CATSPERT: variants seen among roughly 807,000 people sequenced by gnomAD.
The protein encoded by CATSPERT is catsper channel auxiliary subunit tau.
the CATSPERT span, among the ~76,000 whole-genome samples, chr2:201,532,649 G>T: frequency 6.6e-6 from 1 of 152,068 alleles, no homozygotes; most frequent in South Asian, 2.1e-4. Context: ...ACAAGGACTG[G>T]GTGTGAGACA....
chr2:201,562,187 C>CTTTT, the CATSPERT span, among the ~76,000 whole-genome samples: 6 of 121,258 alleles, frequency 4.9e-5, no homozygotes, highest in Non-Finnish European at 6.7e-5. Flanking sequence ...TCTAATAATT[C>CTTTT]TTTTTTTTTT....
At chr2:201,595,906 C>CAAAA in the CATSPERT span, among the ~76,000 whole-genome samples, 1 of 142,086 alleles carries the variant, frequency 7.0e-6, no homozygotes, top group African/African-American at 2.7e-5. Flanking sequence ...ACTAAAAACT[C>CAAAA]AAAAAAAAAA....
At chr2:201,605,986 G>A in the CATSPERT span, among the ~76,000 whole-genome samples, 2 of 152,092 alleles carry the variant, frequency 1.3e-5, no homozygotes, top group South Asian at 4.1e-4. Flanking sequence ...AACTTTATAA[G>A]GGGCATTGAA....
chr2:201,586,263 T>C, the CATSPERT span, among the ~76,000 whole-genome samples: 1 of 152,078 alleles, frequency 6.6e-6, no homozygotes, highest in African/African-American at 2.4e-5. Context: ...GGGAAGTCAG[T>C]TTTGACTGCA....
chr2:201,588,327 G>A, the CATSPERT span, among the ~76,000 whole-genome samples: 1 of 152,034 alleles, frequency 6.6e-6, no homozygotes, highest in East Asian at 1.9e-4. Context: ...TGGGATGCAA[G>A]GTTGGTTTGA....
chr2:201,601,692 G>C, the CATSPERT span: 3 of 1,518,492 alleles, frequency 2.0e-6, no homozygotes, highest in Non-Finnish European at 2.7e-6. Context: ...AGAATATTTG[G>C]AACTATAAGG....
At chr2:201,529,839 A>G in the CATSPERT span, among the ~76,000 whole-genome samples, 1 of 152,202 alleles carries the variant, frequency 6.6e-6, no homozygotes, top group African/African-American at 2.4e-5. Flanking sequence ...GGAAGAAAAT[A>G]TCTGCAAACC....
At chr2:201,535,624 T>C in the CATSPERT span, 1 of 1,116,622 alleles carries the variant, frequency 9.0e-7, no homozygotes, top group African/African-American at 1.6e-5. Context: ...GATTAATTTG[T>C]ATTACTGGCA....
the CATSPERT span, chr2:201,604,594 G>A: frequency 4.7e-6 from 7 of 1,499,150 alleles, no homozygotes; most frequent in African/African-American, 7.1e-5. Context: ...AGGTTTTTGA[G>A]GGTTACTCAT....
chr2:201,559,735 G>A, the CATSPERT span, among the ~76,000 whole-genome samples: 2 of 152,190 alleles, frequency 1.3e-5, no homozygotes, highest in Non-Finnish European at 2.9e-5. Flanking sequence ...CCGGGCCAAT[G>A]TGCCCCGCCA....
chr2:201,595,322 G>A, the CATSPERT span, among the ~76,000 whole-genome samples: 2 of 151,678 alleles, frequency 1.3e-5, no homozygotes, highest in Non-Finnish European at 2.9e-5. Context: ...CCGAGTAGCT[G>A]GGACTACAGG....
the CATSPERT span, among the ~76,000 whole-genome samples, chr2:201,596,114 A>G: frequency 6.6e-6 from 1 of 152,226 alleles, no homozygotes; most frequent in African/African-American, 2.4e-5. Context: ...TGTTATAAAA[A>G]TACATGCACG....
the CATSPERT span, chr2:201,493,292 G>A: frequency 6.5e-7 from 1 of 1,536,378 alleles, no homozygotes; most frequent in African/African-American, 1.4e-5. Flanking sequence ...CTTGAATCTT[G>A]TGGGAACATA....
chr2:201,515,220 T>TAG, the CATSPERT span, among the ~76,000 whole-genome samples: 993 of 52,232 alleles, frequency 0.019, 177 homozygotes, highest in Non-Finnish European at 0.023. Context: ...TTTTTTTTTT[T>TAG]TTTTTTTTTT....
At chr2:201,610,722 A>T in the CATSPERT span, among the ~76,000 whole-genome samples, 1 of 152,152 alleles carries the variant, frequency 6.6e-6, no homozygotes, top group South Asian at 2.1e-4. Flanking sequence ...TCAACAAAAT[A>T]CTAGCAAACT....
chr2:201,564,938 T>C, the CATSPERT span, among the ~76,000 whole-genome samples: 11 of 151,584 alleles, frequency 7.3e-5, no homozygotes, highest in East Asian at 1.5e-3. Context: ...AAATAGAAAC[T>C]ATAAAAATGA....
chr2:201,530,233 C>T, the CATSPERT span, among the ~76,000 whole-genome samples: 1 of 152,106 alleles, frequency 6.6e-6, no homozygotes, highest in Non-Finnish European at 1.5e-5. Context: ...CCATATGGTC[C>T]AGCAATCCTA....
At chr2:201,498,703 G>T in the CATSPERT span, among the ~76,000 whole-genome samples, 1 of 152,162 alleles carries the variant, frequency 6.6e-6, no homozygotes, top group African/African-American at 2.4e-5. Context: ...AATGTCCATA[G>T]TTATTAAAGA....
At chr2:201,493,834 T>G in the CATSPERT span, 1 of 1,536,080 alleles carries the variant, frequency 6.5e-7, no homozygotes, top group Non-Finnish European at 8.7e-7. Flanking sequence ...ACTACTATTT[T>G]TTTTAATTGG....
Sources: gnomAD v4.1 joint callset for allele counts (sites outside exome capture counted in the v4.1 genomes callset) on GRCh38, gnomAD v4.1.1 for gene constraint, MANE v1.5 for transcripts, NCBI Gene and HGNC (gene_info 2026-07-23, HGNC 2026-07-21) for gene names.